Variants in CSMD3 observed in about 807,000 individuals in gnomAD.
CSMD3 encodes the protein CUB and sushi domain-containing protein 3.
In CSMD3, 177 loss-of-function variants were observed where a neutral mutation model predicts 435.2. That is an observed-to-expected ratio of 0.41 (90% CI 0.36 to 0.46). The LOEUF is 0.46. Ranked by LOEUF, CSMD3 falls within the 20% of genes least tolerant of loss-of-function variation. The pLI is 0.34. For missense variants in CSMD3, 4,265 were observed against 4,504.6 expected, an observed-to-expected ratio of 0.95 and a Z score of 1.52; for synonymous variants, 1,656 against 1,520.5, an observed-to-expected ratio of 1.09 and a Z score of -2.07.
chr8:112,751,786 C>T (rs2077577493), intron 13 of CSMD3, among the ~76,000 whole-genome samples: 2 of 151,896 alleles, frequency 1.3e-5, no homozygotes, highest in Non-Finnish European at 2.9e-5. Context: ...CTACCAACTT[C>T]TATTTAAAGC....
At chr8:113,056,990 A>G (rs2088370909) in intron 5 of CSMD3, among the ~76,000 whole-genome samples, 1 of 152,068 alleles carries the variant, frequency 6.6e-6, no homozygotes, top group Non-Finnish European at 1.5e-5. Flanking sequence ...ACATTTCTTA[A>G]TCTTTAAATT....
chr8:113,436,022 C>A (rs2094703974), intron 1 of CSMD3, among the ~76,000 whole-genome samples: 1 of 152,130 alleles, frequency 6.6e-6, no homozygotes, highest in South Asian at 2.1e-4. Flanking sequence ...CCTCATTCAT[C>A]CCTTAAGGTG....
rs557821053 is a variant in CSMD3 at position 113,104,394 on chromosome 8, T to C, written c.710-5431A>G. Among the ~76,000 whole-genome samples the C allele has an allele frequency of 3.3e-5, 5 of 152,280 alleles. No individual in the cohort carries two copies. The South Asian group carries it at 1.0e-3, about 32-fold the overall frequency. On this transcript the variant is annotated intron_variant, in intron 4 of 70. Coordinates refer to ENST00000297405, the MANE Select transcript of CSMD3 (RefSeq NM_198123.2). ...AAGACAGGCATCACTGTTGTGTGCCTAATTAGGCAAACTATTTAAATATTA... is the reference window on the plus strand; with the variant it reads ...AAGACAGGCATCACTGTTGTGTGCCCAATTAGGCAAACTATTTAAATATTA...
chr8:112,790,832 C>G (rs998907700), intron 13 of CSMD3, among the ~76,000 whole-genome samples: 1 of 152,014 alleles, frequency 6.6e-6, no homozygotes, highest in Non-Finnish European at 1.5e-5. Context: ...TTTTCTTATT[C>G]TCTCAAAATA....
chr8:112,661,398 A>G (rs749838379), intron 17 of CSMD3, among the ~76,000 whole-genome samples: 2 of 152,188 alleles, frequency 1.3e-5, no homozygotes, highest in African/African-American at 2.4e-5. Flanking sequence ...TTGGAAGGAC[A>G]GCAGATGCAT....
At chr8:112,675,960 C>A (rs1045317238) in intron 16 of CSMD3, among the ~76,000 whole-genome samples, 1 of 152,028 alleles carries the variant, frequency 6.6e-6, no homozygotes, top group African/African-American at 2.4e-5. Context: ...TTTTCTGATG[C>A]ATTATCTATG....
At chr8:112,623,377 T>A (rs1305180328) in intron 22 of CSMD3, among the ~76,000 whole-genome samples, 2 of 152,118 alleles carry the variant, frequency 1.3e-5, no homozygotes, top group African/African-American at 4.8e-5. Flanking sequence ...AGCTGTTCCC[T>A]ATCCTTCCAC....
intron 1 of CSMD3, among the ~76,000 whole-genome samples, chr8:113,346,066 T>C (rs2094149132): frequency 6.6e-6 from 1 of 152,086 alleles, no homozygotes; most frequent in African/African-American, 2.4e-5. Context: ...TCAGCCCTTT[T>C]GGATTATTCA....
intron 24 of CSMD3, among the ~76,000 whole-genome samples, chr8:112,571,850 C>T (rs1361399608): frequency 7.6e-6 from 1 of 131,864 alleles, no homozygotes; most frequent in East Asian, 2.3e-4. Flanking sequence ...GCCTGGGCAA[C>T]AAGACTGAAA....
intron 14 of CSMD3, among the ~76,000 whole-genome samples, chr8:112,688,019 G>T (rs1326101700): frequency 6.6e-6 from 1 of 152,098 alleles, no homozygotes; most frequent in African/African-American, 2.4e-5. Context: ...GGTAATAAAT[G>T]CTTTGGCTTT....
At position 113,190,683 on chromosome 8, in the gene CSMD3, TG is replaced by T. The variant is rs34470984; in HGVS notation, c.515-16768del. On this transcript the variant is annotated intron_variant, in intron 3 of 70. Coordinates refer to ENST00000297405, the MANE Select transcript of CSMD3 (RefSeq NM_198123.2). ...TATGGTGGAAAAGAAAGATTTACTC[TG>T]GTTTTTTTTTTTTATCATCCCAAAC... Among the ~76,000 whole-genome samples, 9 of 139,506 alleles carry T rather than the reference TG, an allele frequency of 6.5e-5. No homozygotes were observed. In the East Asian group the frequency reaches 8.2e-4, roughly 13 times the overall value. The allele number at this position is 139,506 out of a possible 152,430, so 91.5% of individuals were successfully genotyped here. A position where few individuals can be genotyped will look rare whatever the true frequency, so the allele number is the denominator to read the frequency against.
intron 5 of CSMD3, among the ~76,000 whole-genome samples, chr8:113,068,256 A>G (rs1027980873): frequency 2.0e-5 from 3 of 152,122 alleles, no homozygotes; most frequent in Non-Finnish European, 4.4e-5. Context: ...AAAGCAAAAT[A>G]TTTGGACAAT....
chr8:112,992,172 G>A (rs750655066), intron 6 of CSMD3, among the ~76,000 whole-genome samples: 7 of 151,462 alleles, frequency 4.6e-5, no homozygotes, highest in Non-Finnish European at 7.4e-5. Flanking sequence ...ATATGTCTTC[G>A]TTCCTTCCTT....
At chr8:112,936,094 T>C (rs1375041552) in intron 9 of CSMD3, among the ~76,000 whole-genome samples, 1 of 152,128 alleles carries the variant, frequency 6.6e-6, no homozygotes, top group African/African-American at 2.4e-5. Flanking sequence ...AATGCTAATA[T>C]AGTCTGTTGT....
intron 53 of CSMD3, among the ~76,000 whole-genome samples, chr8:112,299,418 A>G (rs1306853371): frequency 6.6e-6 from 1 of 152,158 alleles, no homozygotes; most frequent in Admixed American, 6.5e-5. Flanking sequence ...TGCATGCTTA[A>G]TATTTGGCAA....
chr8:112,773,931 A>G (rs1252686122), intron 13 of CSMD3, among the ~76,000 whole-genome samples: 2 of 152,056 alleles, frequency 1.3e-5, no homozygotes, highest in Non-Finnish European at 2.9e-5. Flanking sequence ...TTTCCAATCT[A>G]CATTTGGACC....
chr8:112,780,570 G>A (rs146931411), intron 13 of CSMD3, among the ~76,000 whole-genome samples: 11 of 152,096 alleles, frequency 7.2e-5, no homozygotes, highest in African/African-American at 2.4e-4. Context: ...ACACTGAAGG[G>A]GGAAGTAAAG....
rs557259845 is a variant in CSMD3 at position 112,224,473 on chromosome 8, A to T, written c.*298T>A. 456 of 401,404 alleles carry T rather than the reference A, an allele frequency of 1.1e-3. 6 individuals are homozygous for T. The highest frequency in any genetic ancestry group is 9.7e-3 in the South Asian group (431 of 44,390). 24.9% of individuals were successfully genotyped at this position (401,404 alleles called of 1,614,324 possible). The stretch of plus-strand genomic sequence containing the variant: ...TAAAGCACAGAAATACTGATAGTGG[A>T]TGCTCCTCCAATATATGCAAATAAG... On this transcript the variant is annotated 3_prime_UTR_variant, in exon 71 of 71. Coordinates refer to ENST00000297405, the MANE Select transcript of CSMD3 (RefSeq NM_198123.2).
At chr8:113,332,230 A>T (rs763000184) in intron 1 of CSMD3, among the ~76,000 whole-genome samples, 60 of 151,666 alleles carry the variant, frequency 4.0e-4, no homozygotes, top group South Asian at 1.0e-3. Context: ...AATGCTAATA[A>T]TGTAAGCATA....
Sources: allele counts gnomAD v4.1 joint callset (sites outside exome capture counted in the v4.1 genomes callset), GRCh38; gene constraint gnomAD v4.1.1; transcripts MANE v1.5; gene names NCBI Gene and HGNC (gene_info 2026-07-23, HGNC 2026-07-21).